CDH18: variants seen among roughly 807,000 people sequenced by gnomAD.
CDH18 encodes cadherin 18.
A neutral mutation model predicts 67.9 loss-of-function variants in CDH18; 31 were observed. The observed-to-expected ratio is 0.46, with a 90% CI of 0.34 to 0.62. The LOEUF (loss-of-function observed/expected upper bound fraction) is 0.62, where lower values mean the gene tolerates loss of function less well. Ranked by LOEUF, CDH18 falls within the 20% of genes least tolerant of loss-of-function variation. CDH18 has a pLI of 0.01. For synonymous variants in CDH18, 362 were observed against 347.2 expected, an observed-to-expected ratio of 1.04 and a Z score of -0.48; for missense variants, 890 against 975.5, an observed-to-expected ratio of 0.91 and a Z score of 1.17.
chr5:20,475,424 C>T (rs1752369391), intron 1 of CDH18, among the ~76,000 whole-genome samples: 1 of 151,984 alleles, frequency 6.6e-6, no homozygotes, highest in African/African-American at 2.4e-5. Context: ...ACAAGAGCAA[C>T]AAAAGCCATT....
chr5:20,267,303 T>C (rs1745116214), intron 1 of CDH18, among the ~76,000 whole-genome samples: 1 of 152,320 alleles, frequency 6.6e-6, no homozygotes, highest in African/African-American at 2.4e-5. Flanking sequence ...TGTTTATTTT[T>C]ATATCAGTAT....
chr5:20,456,355 T>C (rs547507649), intron 1 of CDH18, among the ~76,000 whole-genome samples: 1 of 152,266 alleles, frequency 6.6e-6, no homozygotes, highest in Non-Finnish European at 1.5e-5. Flanking sequence ...AGGTTTTCAA[T>C]TTTTTAAGGG....
chr5:20,038,132 C>T (rs1740055990), intron 2 of CDH18, among the ~76,000 whole-genome samples: 1 of 152,066 alleles, frequency 6.6e-6, no homozygotes, highest in South Asian at 2.1e-4. Flanking sequence ...CAAATAAACC[C>T]TCCCAAGACT....
At chr5:19,946,843 A>G (rs79936916) in intron 2 of CDH18, among the ~76,000 whole-genome samples, 2 of 152,168 alleles carry the variant, frequency 1.3e-5, no homozygotes, top group African/African-American at 2.4e-5. Context: ...AAAATCCTTA[A>G]CAAAGTATTA....
At chr5:20,161,104 C>T (rs532461508) in intron 2 of CDH18, among the ~76,000 whole-genome samples, 2 of 152,212 alleles carry the variant, frequency 1.3e-5, no homozygotes, top group African/African-American at 4.8e-5. Flanking sequence ...ACAACTTGGC[C>T]ATTTACATAA....
chr5:19,924,878 T>G (rs1408153305), intron 2 of CDH18, among the ~76,000 whole-genome samples: 1 of 152,082 alleles, frequency 6.6e-6, no homozygotes, highest in African/African-American at 2.4e-5. Flanking sequence ...CAACATCCTG[T>G]GCCCTCTTCT....
intron 4 of CDH18, among the ~76,000 whole-genome samples, chr5:19,735,742 A>G (rs1241327030): frequency 2.0e-5 from 3 of 152,124 alleles, no homozygotes; most frequent in East Asian, 1.9e-4. Context: ...ACTTCGTAAG[A>G]AAAATAAATA....
Position 19,851,433 on chromosome 5 carries a change from AC to A in CDH18, c.-256-12192del, listed in dbSNP as rs67820231. ...TATAAAAAGAAAAGCCAAAAAAAAA[AC>A]AAACCCAAAAAACCCAAAATTCCCT... On this transcript the variant is annotated intron_variant, in intron 2 of 12. Coordinates refer to ENST00000382275, the MANE Select transcript of CDH18 (RefSeq NM_004934.5). Among the ~76,000 whole-genome samples the A allele has an allele frequency of 3.3e-3, 415 of 123,946 alleles. 1 individual carries two copies. Among genetic ancestry groups the A allele is most frequent in the East Asian group, 5.7e-3 (25 of 4,354 alleles). The allele number at this position is 123,946 out of a possible 152,430, so 81.3% of individuals were successfully genotyped here.
intron 1 of CDH18, among the ~76,000 whole-genome samples, chr5:20,404,763 T>A (rs928109000): frequency 1.3e-5 from 2 of 152,132 alleles, no homozygotes; most frequent in Admixed American, 6.6e-5. Flanking sequence ...AGTGAGCACA[T>A]GCTATTGAAA....
intron 2 of CDH18, among the ~76,000 whole-genome samples, chr5:19,846,355 C>T (rs2150054784): frequency 6.6e-6 from 1 of 152,122 alleles, no homozygotes; most frequent in East Asian, 1.9e-4. Flanking sequence ...ATGTTGTGTA[C>T]CAATTAATAT....
rs1484171780 is a variant in CDH18 at position 19,490,531 on chromosome 5, C to T, written c.1631-6979G>A. Among the ~76,000 whole-genome samples the T allele has an allele frequency of 2.0e-5, 3 of 149,392 alleles. No homozygotes were observed. In the Admixed American group the frequency reaches 2.0e-4, roughly 10 times the overall value. ...GCGGGTTCAAGTGATTCTCCTGCCTCAGCCTCCCAAGTAGCTGGGACTACA... is the reference window on the plus strand; with the variant it reads ...GCGGGTTCAAGTGATTCTCCTGCCTTAGCCTCCCAAGTAGCTGGGACTACA... On this transcript the variant is annotated intron_variant, in intron 11 of 12. Transcript: ENST00000382275.
intron 2 of CDH18, among the ~76,000 whole-genome samples, chr5:19,921,496 A>C (rs1792471697): frequency 1.3e-5 from 2 of 150,352 alleles, no homozygotes; most frequent in Admixed American, 1.3e-4. Flanking sequence ...GCTCCACTGC[A>C]CTCTAGCCTG....
At chr5:20,025,810 T>C (rs892337352) in intron 2 of CDH18, among the ~76,000 whole-genome samples, 15 of 152,348 alleles carry the variant, frequency 9.8e-5, no homozygotes, top group Middle Eastern at 6.8e-3. Flanking sequence ...GTGTTCAAGA[T>C]TGTTTTCTAA....
At chr5:19,865,696 A>G (rs1785406709) in intron 2 of CDH18, among the ~76,000 whole-genome samples, 3 of 152,126 alleles carry the variant, frequency 2.0e-5, no homozygotes, top group Non-Finnish European at 4.4e-5. Context: ...TGGGAAATTC[A>G]GTTAATCTCT....
chr5:19,896,011 T>C (rs1789285912), intron 2 of CDH18, among the ~76,000 whole-genome samples: 1 of 51,778 alleles, frequency 1.9e-5, no homozygotes, highest in Admixed American at 2.2e-4. Context: ...TGTCGCATTA[T>C]TTGGGGAAAA....
chr5:19,879,152 A>C (rs1449932689), intron 2 of CDH18, among the ~76,000 whole-genome samples: 1 of 152,072 alleles, frequency 6.6e-6, no homozygotes, highest in Admixed American at 6.6e-5. Context: ...CATTACACTT[A>C]GTGCTTTAAT....
At chr5:20,177,074 A>G (rs1181536781) in intron 2 of CDH18, among the ~76,000 whole-genome samples, 4 of 152,132 alleles carry the variant, frequency 2.6e-5, no homozygotes, top group African/African-American at 4.8e-5. Flanking sequence ...TTATTTTAAT[A>G]CAGAAACATT....
At chr5:20,451,894 T>C (rs1051929148) in intron 1 of CDH18, among the ~76,000 whole-genome samples, 1 of 152,194 alleles carries the variant, frequency 6.6e-6, no homozygotes, top group Non-Finnish European at 1.5e-5. Flanking sequence ...AAGTAACTTA[T>C]AGCCATGGCA....
At chr5:20,453,199 T>C (rs1341757585) in intron 1 of CDH18, among the ~76,000 whole-genome samples, 1 of 152,166 alleles carries the variant, frequency 6.6e-6, no homozygotes, top group African/African-American at 2.4e-5. Flanking sequence ...CGGTATGCAT[T>C]ACCATCATAT....
Sources: allele counts gnomAD v4.1 joint callset (sites outside exome capture counted in the v4.1 genomes callset), GRCh38; gene constraint gnomAD v4.1.1; transcripts MANE v1.5; gene names NCBI Gene and HGNC (gene_info 2026-07-23, HGNC 2026-07-21).